The following ABCA13 variants were observed in gnomAD, a reference collection of about 807,000 sequenced individuals.
ABCA13 encodes the protein ATP-binding cassette sub-family A member 13.
Under a neutral mutation model 478.7 loss-of-function variants are expected in ABCA13, and 476 were observed. The ratio of observed to expected loss-of-function variants is 0.99; its 90% CI spans 0.92 to 1.07. ABCA13 has a LOEUF of 1.07. Among genes scored for constraint, ABCA13 ranks in the 50% least tolerant of loss-of-function variants. The probability of loss-of-function intolerance (pLI) is 0.00; values close to 1 mark genes in which losing one functional copy is unlikely to be tolerated. For synonymous variants in ABCA13, 2,252 were observed against 2,158.9 expected, an observed-to-expected ratio of 1.04 and a Z score of -1.20; for missense variants, 6,060 against 5,910.6, an observed-to-expected ratio of 1.03 and a Z score of -0.83.
intron 1 of ABCA13, among the ~76,000 whole-genome samples, chr7:48,172,614 T>G (rs1003985162): frequency 6.6e-6 from 1 of 151,074 alleles, no homozygotes; most frequent in East Asian, 1.9e-4. Context: ...GCTAACACAG[T>G]GAAACCCCGT....
intron 23 of ABCA13, among the ~76,000 whole-genome samples, chr7:48,308,526 C>G (rs1369659038): frequency 6.6e-6 from 1 of 152,128 alleles, no homozygotes; most frequent in African/African-American, 2.4e-5. Flanking sequence ...TTTACACCGG[C>G]ACTGCCACAA....
chr7:48,603,196 C>G (rs961352394), intron 58 of ABCA13, among the ~76,000 whole-genome samples: 2 of 152,168 alleles, frequency 1.3e-5, no homozygotes, highest in Non-Finnish European at 1.5e-5. Context: ...TTGACTTCCT[C>G]TTTTCCTAAC....
intron 40 of ABCA13, among the ~76,000 whole-genome samples, chr7:48,410,983 CTTTCTTTCTTTCTTTCTT>C (rs1818958259): frequency 3.3e-5 from 2 of 59,812 alleles, no homozygotes; most frequent in African/African-American, 1.3e-4. Flanking sequence ...TTTTCTCTTT[CTTTCTTTCTTTCTTTCTT>C]TCTTTCTTTC....
Position 48,403,738 on chromosome 7 carries a change from T to C in ABCA13, c.11929T>C (p.Ser3977Pro). Residue 3977 changes from serine (S) to proline (P), a missense_variant, in exon 39 of 62, where the codon TCT becomes CCT. Coordinates refer to ENST00000435803, the MANE Select transcript of ABCA13 (RefSeq NM_152701.5). ...QHQHKQTRAL[S>P]GGLKRKLSLG... ...TCAGCACAAACAGACCCGAGCTCTGTCTGGAGGCCTGAAGAGGAAGCTCTC... is the reference window on the plus strand; with the variant it reads ...TCAGCACAAACAGACCCGAGCTCTGCCTGGAGGCCTGAAGAGGAAGCTCTC... The C allele has an allele frequency of 1.2e-6, 2 of 1,613,972 alleles. No homozygotes were observed. The highest frequency in any genetic ancestry group is 1.7e-6 in the Non-Finnish European group (2 of 1,179,872).
At chr7:48,406,471 T>C (rs1382133507) in intron 39 of ABCA13, among the ~76,000 whole-genome samples, 1 of 152,220 alleles carries the variant, frequency 6.6e-6, no homozygotes, top group African/African-American at 2.4e-5. Flanking sequence ...ATCATTATTA[T>C]TATTAAAATA....
intron 42 of ABCA13, among the ~76,000 whole-genome samples, chr7:48,448,435 A>G (rs975770257): frequency 1.3e-5 from 2 of 152,196 alleles, no homozygotes; most frequent in African/African-American, 4.8e-5. Flanking sequence ...GTATAGGTTT[A>G]ATCAAAAGTG....
At chr7:48,407,027 T>G (rs2129082496) in intron 39 of ABCA13, among the ~76,000 whole-genome samples, 1 of 152,308 alleles carries the variant, frequency 6.6e-6, no homozygotes, top group South Asian at 2.1e-4. Context: ...TTTGGAAGTT[T>G]ATTCATTTAT....
In ABCA13 at chr7:48,338,345, G is replaced by A; in HGVS notation, c.10114-20G>A. On this transcript the variant is annotated intron_variant, in intron 28 of 61. Transcript: ENST00000435803. Reference sequence around the variant, plus strand: ...GAAATAATGCAATTATTTTTATTAAGCTATATTATTTTTCTTTAGGAGGCC... The same window carrying A: ...GAAATAATGCAATTATTTTTATTAAACTATATTATTTTTCTTTAGGAGGCC... 2 of 1,502,060 alleles carry A rather than the reference G, an allele frequency of 1.3e-6. No homozygotes were observed. Among genetic ancestry groups the A allele is most frequent in the Non-Finnish European group, 1.8e-6 (2 of 1,103,402 alleles). 93.0% of individuals were successfully genotyped at this position (1,502,060 alleles called of 1,614,324 possible). A position where few individuals can be genotyped will look rare whatever the true frequency, so the allele number is the denominator to read the frequency against.
At position 48,310,158 on chromosome 7, in the gene ABCA13, G is replaced by A. The variant is rs1801555066; in HGVS notation, c.9516+17G>A. On this transcript the variant is annotated intron_variant, in intron 24 of 61. Coordinates refer to ENST00000435803, the MANE Select transcript of ABCA13 (RefSeq NM_152701.5). ...ATTTACAAGGTATGGAGAGCATGCT[G>A]GCTGGGGGCAGTCCTCTGCAGGACT... 6.3e-7 allele frequency: 1 copy of A among 1,590,500 alleles called. No individual in the cohort carries two copies. The highest frequency in any genetic ancestry group is 1.3e-5 in the African/African-American group (1 of 74,644).
intron 15 of ABCA13, among the ~76,000 whole-genome samples, chr7:48,267,111 G>A (rs1794969413): frequency 6.6e-6 from 1 of 151,948 alleles, no homozygotes; most frequent in South Asian, 2.1e-4. Flanking sequence ...ATCTACCTTG[G>A]TAAATGCTCC....
chr7:48,604,345 C>T (rs1190671197), intron 58 of ABCA13, among the ~76,000 whole-genome samples: 1 of 152,118 alleles, frequency 6.6e-6, no homozygotes, highest in African/African-American at 2.4e-5. Context: ...TTAGATCTTT[C>T]CAGCTTTCTC....
intron 42 of ABCA13, among the ~76,000 whole-genome samples, chr7:48,443,604 G>A (rs563697553): frequency 1.9e-4 from 29 of 152,104 alleles, no homozygotes; most frequent in Non-Finnish European, 3.7e-4. Flanking sequence ...TTTCCCAGTA[G>A]GTTTAGCATT....
At chr7:48,441,955 C>G (rs2129167470) in intron 42 of ABCA13, among the ~76,000 whole-genome samples, 1 of 152,178 alleles carries the variant, frequency 6.6e-6, no homozygotes, top group East Asian at 1.9e-4. Context: ...GAACTGTGTG[C>G]TAAATGTTGG....
chr7:48,463,266 T>C (rs1002329067), intron 43 of ABCA13, among the ~76,000 whole-genome samples: 5 of 152,206 alleles, frequency 3.3e-5, no homozygotes, highest in African/African-American at 1.2e-4. Context: ...ATCAGATAAG[T>C]ATGTTGCCTA....
Position 48,434,916 on chromosome 7 carries a change from T to C in ABCA13, c.12565+7045T>C, listed in dbSNP as rs202209981. Among the ~76,000 whole-genome samples the C allele has an allele frequency of 7.2e-5, 11 of 152,036 alleles. 1 individual carries two copies. The highest frequency in any genetic ancestry group is 5.8e-4 in the East Asian group (3 of 5,188). ...TGTTTTGATTACCATGGCTTTGTAG[T>C]AACCTTTGAAATCAGAAAGTGGGAA... On this transcript the variant is annotated intron_variant, in intron 42 of 61. Coordinates refer to ENST00000435803, the MANE Select transcript of ABCA13 (RefSeq NM_152701.5).
intron 23 of ABCA13, among the ~76,000 whole-genome samples, chr7:48,300,869 C>T (rs1204374414): frequency 6.6e-6 from 1 of 152,166 alleles, no homozygotes; most frequent in Non-Finnish European, 1.5e-5. Flanking sequence ...GTCCACCTGC[C>T]CTGTGAAGCA....
At chr7:48,179,976 A>G (rs751987480) in intron 1 of ABCA13, among the ~76,000 whole-genome samples, 3 of 152,106 alleles carry the variant, frequency 2.0e-5, no homozygotes, top group Non-Finnish European at 2.9e-5. Flanking sequence ...AAGGGTGGGT[A>G]ACTCGCACAG....
intron 59 of ABCA13, among the ~76,000 whole-genome samples, chr7:48,624,939 GATTAT>G (rs1793524221): frequency 6.6e-6 from 1 of 152,032 alleles, no homozygotes; most frequent in African/African-American, 2.4e-5. Context: ...AAATTGTTAA[GATTAT>G]GAGAATTTAC....
chr7:48,393,040 G>A (rs73694605), intron 38 of ABCA13, among the ~76,000 whole-genome samples: 3,505 of 152,258 alleles, frequency 0.023, 144 homozygotes, highest in African/African-American at 0.079. Flanking sequence ...TGGGAAGCAA[G>A]GCAAAATCCA....
Sources: gnomAD v4.1 joint callset for allele counts (sites outside exome capture counted in the v4.1 genomes callset) on GRCh38, gnomAD v4.1.1 for gene constraint, MANE v1.5 for transcripts, NCBI Gene and HGNC (gene_info 2026-07-23, HGNC 2026-07-21) for gene names.